Variants in IAH1 observed in about 807,000 individuals in gnomAD.
The protein encoded by IAH1 is isoamyl acetate hydrolyzing esterase 1 (putative).
IAH1 carries 24 observed loss-of-function variants against 26.7 expected under a neutral mutation model. The ratio of observed to expected loss-of-function variants is 0.90; its 90% CI spans 0.65 to 1.26. The LOEUF is 1.26. Ranked by LOEUF, IAH1 falls within the 50% of genes most tolerant of loss-of-function variation. IAH1 has a pLI of 0.00. For missense variants in IAH1, 300 were observed against 299.9 expected, an observed-to-expected ratio of 1.00 and a Z score of 0.00; for synonymous variants, 140 against 118.5, an observed-to-expected ratio of 1.18 and a Z score of -1.18.
Position 9,474,779 on chromosome 2 carries a change from G to A in IAH1, c.81+132G>A. ...CCGGAGGCCTGGCCACGCCCGTGGAGACACCGGAGGAGTGGCGGGTCCCCC... is the reference window on the plus strand; with the variant it reads ...CCGGAGGCCTGGCCACGCCCGTGGAAACACCGGAGGAGTGGCGGGTCCCCC... On this transcript the variant is annotated intron_variant, in intron 1 of 5. Transcript: ENST00000497473. This position sits in a 1 kb window ranked among gnomAD's most constrained non-coding sequence, Gnocchi z 4.3. 1 of 651,244 alleles carries A rather than the reference G, an allele frequency of 1.5e-6. No individual in the cohort carries two copies. Among genetic ancestry groups the A allele is most frequent in the South Asian group, 2.7e-5 (1 of 36,392 alleles). 40.3% of individuals were successfully genotyped at this position (651,244 alleles called of 1,614,324 possible). A position where few individuals can be genotyped will look rare whatever the true frequency, so the allele number is the denominator to read the frequency against.
downstream of IAH1, among the ~76,000 whole-genome samples, chr2:9,492,241 G>C (rs1477146976): frequency 6.6e-6 from 1 of 152,188 alleles, no homozygotes; most frequent in Admixed American, 6.5e-5. Flanking sequence ...CTCTACAGCA[G>C]ACAAATCCCC....
chr2:9,475,157 G>A, intron 1 of IAH1: 1 of 1,287,374 alleles, frequency 7.8e-7, no homozygotes, highest in Non-Finnish European at 1.0e-6. Flanking sequence ...GGTAGAAAAG[G>A]ACCATCCGTT....
In IAH1 at chr2:9,484,502, CTG is replaced by C; in HGVS notation, c.519_520del (p.Cys173TrpfsTer3). On this transcript the variant is annotated frameshift_variant, in exon 5 of 6. Transcript: ENST00000497473. LOFTEE classifies it high-confidence loss of function. ...ATGCGTGTTTACAAGTGGCCCAAGA[CTG>C]TGGGACTGACGTACTTGACCTGTGG... ...ANACLQVAQD[C>X]GTDVLDLWTL... The C allele has an allele frequency of 6.2e-7, 1 of 1,614,180 alleles. No homozygotes were observed. The highest frequency in any genetic ancestry group is 8.5e-7 in the Non-Finnish European group (1 of 1,180,028).
At chr2:9,506,617 G>A in the IAH1 span, among the ~76,000 whole-genome samples, 2 of 152,074 alleles carry the variant, frequency 1.3e-5, no homozygotes, top group South Asian at 2.1e-4. Context: ...TGCCCACCTC[G>A]GTCTCCAAAG....
intron 1 of IAH1, chr2:9,475,116 G>T: frequency 7.9e-7 from 1 of 1,271,742 alleles, no homozygotes; most frequent in Non-Finnish European, 1.0e-6. Context: ...GTTAGGGGTT[G>T]ACCTTGGAAG....
intron 3 of IAH1, among the ~76,000 whole-genome samples, chr2:9,479,794 GCTTTTTTTTTTTTTT>G (rs142419788): frequency 6.1e-5 from 5 of 81,752 alleles, no homozygotes; most frequent in African/African-American, 2.2e-4. Context: ...TCTGTGTATT[GCTTTTTTTTTTTTTT>G]TTTTTTTTTT....
downstream of IAH1, chr2:9,491,022 G>A (rs770292932): frequency 2.6e-4 from 346 of 1,305,810 alleles, no homozygotes; most frequent in Non-Finnish European, 3.4e-4. Flanking sequence ...GAAAGCTCTT[G>A]CTGGGTCAGG....
chr2:9,481,358 A>G lies in IAH1; in HGVS notation c.356A>G (p.Lys119Arg). ...ANLKSMVQYLKSVDIPENRVI... is the reference protein window; with the variant it reads ...ANLKSMVQYLRSVDIPENRVI... ...CTAAAGAGCATGGTGCAGTACCTGA[A>G]GTCCGTGGACATCCCTGAGAATCGA... Residue 119 changes from lysine to arginine, a missense_variant, in exon 4 of 6, where the codon AAG (lysine) becomes AGG (arginine). Physicochemically the swap from Lys to Arg is conservative, Grantham distance 26. Coordinates refer to ENST00000497473, the MANE Select transcript of IAH1 (RefSeq NM_001039613.3). 1 of 1,614,214 alleles carries G rather than the reference A, an allele frequency of 6.2e-7. No individual in the cohort carries two copies. The highest frequency in any genetic ancestry group is 8.5e-7 in the Non-Finnish European group (1 of 1,180,038).
chr2:9,511,166 C>T, the IAH1 span, among the ~76,000 whole-genome samples: 5 of 152,064 alleles, frequency 3.3e-5, no homozygotes, highest in East Asian at 1.9e-4. Flanking sequence ...AAAAACAGTA[C>T]GGATAGGCGC....
chr2:9,475,731 C>T, intron 1 of IAH1: 1 of 535,690 alleles, frequency 1.9e-6, no homozygotes, highest in Non-Finnish European at 3.3e-6. Context: ...GAACTCGAGA[C>T]CTCATGTGAT....
At chr2:9,482,515 C>T (rs1177756814) in intron 4 of IAH1, among the ~76,000 whole-genome samples, 1 of 152,180 alleles carries the variant, frequency 6.6e-6, no homozygotes, top group Non-Finnish European at 1.5e-5. Flanking sequence ...ACCACAACTT[C>T]ATGGAAGGCT....
the IAH1 span, among the ~76,000 whole-genome samples, chr2:9,503,586 A>T: frequency 2.0e-5 from 3 of 152,320 alleles, no homozygotes; most frequent in East Asian, 5.8e-4. Context: ...CACGCCTGTA[A>T]TCCCAACACT....
At chr2:9,499,577 A>G (rs1662877795), downstream of IAH1, among the ~76,000 whole-genome samples, 1 of 151,814 alleles carries the variant, frequency 6.6e-6, no homozygotes, top group Non-Finnish European at 1.5e-5. Context: ...AATTTTTTGT[A>G]TCTTTTAGTA....
chr2:9,488,115 A>ACC, intron 5 of IAH1, 32 bp from the exon 6 acceptor site: 1 of 1,506,628 alleles, frequency 6.6e-7, no homozygotes, highest in South Asian at 1.3e-5. Context: ...GTGGCCAGTT[A>ACC]CCCACCTTTA....
exon 6 of IAH1, chr2:9,494,764 GTTTCTGGAACAGAGAACAC>G: frequency 6.2e-7 from 1 of 1,613,900 alleles, no homozygotes; most frequent in Non-Finnish European, 8.5e-7. Context: ...GGAGTTGTCA[GTTTCTGGAACAGAGAACAC>G]GCATTGACAG....
intron 6 of IAH1, among the ~76,000 whole-genome samples, chr2:9,495,782 G>A (rs1237147993): frequency 3.3e-5 from 5 of 149,950 alleles, no homozygotes; most frequent in African/African-American, 4.9e-5. Context: ...TTACTGTGTC[G>A]GGCTCTGTCC....
Position 9,488,206 on chromosome 2 carries a change from G to T in IAH1, c.624G>T (p.Leu208Phe). 6.2e-7 allele frequency: 1 copy of T among 1,613,062 alleles called. No individual in the cohort carries two copies. ...LHLSPKGNEF[L>F]FSHLWPLIEK... ...TGTCTCCAAAGGGGAATGAATTTTTGTTCTCGCATCTCTGGCCTTTGATAG... is the reference window on the plus strand; with the variant it reads ...TGTCTCCAAAGGGGAATGAATTTTTTTTCTCGCATCTCTGGCCTTTGATAG... The change falls in exon 6 of 6, where the codon TTG (leucine) becomes TTT (phenylalanine). Residue 208 changes from leucine to phenylalanine, a missense_variant. Transcript: ENST00000497473.
chr2:9,494,559 C>G, downstream of IAH1: 1 of 1,541,098 alleles, frequency 6.5e-7, no homozygotes, highest in Non-Finnish European at 8.9e-7. Flanking sequence ...GATTTGTTTT[C>G]ATCTGCAAAA....
the IAH1 span, among the ~76,000 whole-genome samples, chr2:9,509,483 GAGATAGAGCTATGAATA>G: frequency 3.9e-5 from 6 of 152,130 alleles, no homozygotes; most frequent in Admixed American, 2.0e-4. Flanking sequence ...CTAGGCACTG[GAGATAGAGCTATGAATA>G]AGATAGAGCT....
Sources: gnomAD v4.1 joint callset for allele counts (sites outside exome capture counted in the v4.1 genomes callset) on GRCh38, gnomAD v4.1.1 for gene constraint, Gnocchi (gnomAD v3.1) non-coding constraint, MANE v1.5 for transcripts, NCBI Gene and HGNC (gene_info 2026-07-23, HGNC 2026-07-21) for gene names.